The following GABPA variants were observed in gnomAD, a reference collection of about 807,000 sequenced individuals.
GABPA encodes the protein GA-binding protein alpha chain.
Under a neutral mutation model 59.4 loss-of-function variants are expected in GABPA, and 4 were observed. The observed-to-expected ratio is 0.07, with a 90% CI of 0.03 to 0.15. The LOEUF (loss-of-function observed/expected upper bound fraction) is 0.15, where lower values mean the gene tolerates loss of function less well. Among genes scored for constraint, GABPA ranks in the 10% least tolerant of loss-of-function variants. The pLI is 1.00. For synonymous variants in GABPA, 164 were observed against 183.1 expected, an observed-to-expected ratio of 0.90 and a Z score of 0.84; for missense variants, 251 against 543.8, an observed-to-expected ratio of 0.46 and a Z score of 5.36.
Position 25,735,012 on chromosome 21 carries a change from A to G in GABPA, c.-593A>G, listed in dbSNP as rs1417918468. On this transcript the variant is annotated 5_prime_UTR_variant, in exon 1 of 10. Transcript: ENST00000400075. ...ACCGGACAGGAAGCGTCTCGGAGAC[A>G]GTCTGCGACCGGACGGGTCTAGGTG... 4 of 1,535,294 alleles carry G rather than the reference A, an allele frequency of 2.6e-6. No individual in the cohort carries two copies. In the African/African-American group the frequency reaches 4.1e-5, roughly 16 times the overall value.
chr21:25,743,936 C>G (rs771581364), intron 2 of GABPA, among the ~76,000 whole-genome samples: 1 of 148,654 alleles, frequency 6.7e-6, no homozygotes, highest in Non-Finnish European at 1.5e-5. Context: ...CCCAGATACT[C>G]GGGAGGCTGA....
At chr21:25,750,993 G>A (rs2035495157) in intron 4 of GABPA, among the ~76,000 whole-genome samples, 1 of 152,148 alleles carries the variant, frequency 6.6e-6, no homozygotes, top group African/African-American at 2.4e-5. Context: ...GAAGATCGAA[G>A]TTGAGTTGTG....
intron 1 of GABPA, among the ~76,000 whole-genome samples, chr21:25,736,123 A>G (rs1374833955): frequency 6.6e-6 from 1 of 152,200 alleles, no homozygotes; most frequent in Non-Finnish European, 1.5e-5. Context: ...AACCAAGGAG[A>G]TAACAATGGG....
At chr21:25,747,877 T>C (rs2035407606) in intron 3 of GABPA, among the ~76,000 whole-genome samples, 1 of 152,178 alleles carries the variant, frequency 6.6e-6, no homozygotes, top group Non-Finnish European at 1.5e-5. Context: ...AACTGTCATA[T>C]TTAATCTATC....
intron 9 of GABPA, among the ~76,000 whole-genome samples, chr21:25,767,639 G>A (rs953080463): frequency 5.9e-5 from 9 of 151,498 alleles, no homozygotes; most frequent in East Asian, 5.8e-4. Flanking sequence ...TTTTCCCCAC[G>A]TATAGTCTTA....
intron 5 of GABPA, among the ~76,000 whole-genome samples, chr21:25,757,756 T>C (rs1223391480): frequency 3.3e-5 from 5 of 152,076 alleles, no homozygotes; most frequent in Non-Finnish European, 5.9e-5. Flanking sequence ...TTTGTTTTTC[T>C]TGATACAGTT....
chr21:25,754,590 CT>C, intron 5 of GABPA, among the ~76,000 whole-genome samples: 1 of 151,992 alleles, frequency 6.6e-6, no homozygotes, highest in South Asian at 2.1e-4. Context: ...GTGTTTTCTC[CT>C]ACTTCTCTGA....
chr21:25,764,412 A>G, intron 8 of GABPA, 62 bp downstream of exon 8: 1 of 1,483,262 alleles, frequency 6.7e-7, no homozygotes, highest in South Asian at 1.3e-5. Flanking sequence ...ATTTTGTTGT[A>G]TTTTACTGTA....
At chr21:25,748,913 A>G in intron 3 of GABPA, 123 bp from the exon 4 acceptor site, 1 of 666,406 alleles carries the variant, frequency 1.5e-6, no homozygotes, top group Non-Finnish European at 2.7e-6. Flanking sequence ...GTGTTCTTAT[A>G]ATTTAATTAG....
At chr21:25,756,753 T>C (rs1329924847) in intron 5 of GABPA, among the ~76,000 whole-genome samples, 1 of 152,220 alleles carries the variant, frequency 6.6e-6, no homozygotes, top group Non-Finnish European at 1.5e-5. Context: ...CATGAAGATA[T>C]CTTGTCACCT....
intron 5 of GABPA, among the ~76,000 whole-genome samples, chr21:25,756,978 C>T (rs1190850875): frequency 2.0e-5 from 3 of 152,212 alleles, no homozygotes; most frequent in South Asian, 4.1e-4. Context: ...TAGGGCACCT[C>T]TGTTCCTTTA....
chr21:25,744,875 A>G (rs1032309036), intron 2 of GABPA, among the ~76,000 whole-genome samples: 9 of 152,220 alleles, frequency 5.9e-5, no homozygotes, highest in African/African-American at 2.2e-4. Context: ...TTCTGGGTCT[A>G]AAATTCTTCA....
At chr21:25,752,286 A>C in intron 5 of GABPA, 52 bp downstream of exon 5, 2 of 1,546,908 alleles carry the variant, frequency 1.3e-6, no homozygotes, top group Non-Finnish European at 1.8e-6. Context: ...ATTAAGCTTG[A>C]CATAGAAGAC....
chr21:25,745,746 T>A (rs2829889), intron 3 of GABPA, among the ~76,000 whole-genome samples: 6,385 of 152,268 alleles, frequency 0.042, 419 homozygotes, highest in African/African-American at 0.14. Context: ...TACATTTCTG[T>A]TTTACCTTTA....
chr21:25,755,750 G>GC (rs1476721975), intron 5 of GABPA, among the ~76,000 whole-genome samples: 3 of 152,042 alleles, frequency 2.0e-5, no homozygotes, highest in African/African-American at 4.8e-5. Flanking sequence ...CATTTAACTG[G>GC]CCCCCCAAAT....
Position 25,745,309 on chromosome 21 carries a change from A to G in GABPA, c.177A>G (p.Leu59=), listed in dbSNP as rs1217821778. Residue 59 remains leucine, a synonymous_variant, in exon 3 of 10, where the codon CTA becomes CTG. Coordinates refer to ENST00000400075, the MANE Select transcript of GABPA (RefSeq NM_002040.4). The part of the protein sequence containing the change: ...GNLKKLLEPR[L]QCSLDAHEIC... ...TAAAGAAACTGCTAGAACCAAGACT[A>G]CAGTGTTCTTTGGATGCTCATGAAA... The G allele has an allele frequency of 4.3e-6, 7 of 1,613,502 alleles. No homozygotes were observed. The highest frequency in any genetic ancestry group is 5.9e-6 in the Non-Finnish European group (7 of 1,179,784).
At chr21:25,749,491 CTG>C (rs2035452617) in intron 4 of GABPA, among the ~76,000 whole-genome samples, 1 of 152,172 alleles carries the variant, frequency 6.6e-6, no homozygotes, top group Non-Finnish European at 1.5e-5. Flanking sequence ...ACCATGGTAG[CTG>C]TCACTTTAAC....
chr21:25,748,637 CAAG>C (rs1367167234), intron 3 of GABPA, among the ~76,000 whole-genome samples: 1 of 152,090 alleles, frequency 6.6e-6, no homozygotes, highest in African/African-American at 2.4e-5. Flanking sequence ...GCAGATATGA[CAAG>C]AATATGTTAA....
chr21:25,754,886 A>G (rs969728122), intron 5 of GABPA, among the ~76,000 whole-genome samples: 2 of 151,512 alleles, frequency 1.3e-5, no homozygotes, highest in African/African-American at 4.9e-5. Context: ...ACCTGTTTCT[A>G]CTAAAAACAC....
Sources: allele counts gnomAD v4.1 joint callset (sites outside exome capture counted in the v4.1 genomes callset), GRCh38; gene constraint gnomAD v4.1.1; transcripts MANE v1.5; gene names NCBI Gene and HGNC (gene_info 2026-07-23, HGNC 2026-07-21).